Variants in SSH2 observed in about 807,000 individuals in gnomAD.
The protein encoded by SSH2 is protein phosphatase Slingshot homolog 2.
A neutral mutation model predicts 135.2 loss-of-function variants in SSH2; 37 were observed. The observed-to-expected ratio is 0.27, with a 90% CI of 0.21 to 0.36. The LOEUF (loss-of-function observed/expected upper bound fraction) is 0.36, where lower values mean the gene tolerates loss of function less well. SSH2 is among the 10% of genes least tolerant of loss of function. SSH2 has a pLI of 1.00. For missense variants in SSH2, 1,408 were observed against 1,765.3 expected (o/e 0.80, Z 3.63); for synonymous variants, 628 against 646.2 (o/e 0.97, Z 0.43).
chr17:29,907,715 T>C (rs573021957), intron 1 of SSH2, among the ~76,000 whole-genome samples: 1 of 152,240 alleles, frequency 6.6e-6, no homozygotes, highest in South Asian at 2.1e-4. Flanking sequence ...TCTTCATCAA[T>C]ATCTGGCCTT....
Position 29,629,844 on chromosome 17 carries a change from G to A in SSH2, c.*997C>T, listed in dbSNP as rs1041210591. The A allele has an allele frequency of 2.0e-5, 3 of 152,558 alleles. No individual in the cohort carries two copies. The highest frequency in any genetic ancestry group is 6.5e-5 in the Admixed American group (1 of 15,268). 9.5% of individuals were successfully genotyped at this position (152,558 alleles called of 1,614,324 possible). On this transcript the variant is annotated 3_prime_UTR_variant, in exon 16 of 16. Transcript: ENST00000540801. The stretch of plus-strand genomic sequence containing the variant: ...AGCATGGGGACAACAGCATGGGGAA[G>A]GAAAATAAACTGGAAGAAAATATGG...
chr17:29,652,011 A>G (rs1304818150), intron 12 of SSH2, among the ~76,000 whole-genome samples: 2 of 152,134 alleles, frequency 1.3e-5, no homozygotes, highest in Non-Finnish European at 2.9e-5. Flanking sequence ...GCGTGGTGGC[A>G]TGTGCCTGTA....
At chr17:29,839,909 T>A (rs549320368) in intron 2 of SSH2, among the ~76,000 whole-genome samples, 33 of 152,292 alleles carry the variant, frequency 2.2e-4, no homozygotes, top group African/African-American at 7.7e-4. Flanking sequence ...CAAGCCTGGT[T>A]CCTCACCTTT....
chr17:29,741,163 A>G (rs1227155036), intron 3 of SSH2, among the ~76,000 whole-genome samples: 2 of 152,242 alleles, frequency 1.3e-5, no homozygotes, highest in African/African-American at 2.4e-5. Flanking sequence ...CAAGTAGCTC[A>G]GGTGAACTGA....
At chr17:29,648,956 T>C (rs1598718744) in intron 13 of SSH2, among the ~76,000 whole-genome samples, 1 of 152,128 alleles carries the variant, frequency 6.6e-6, no homozygotes, top group Admixed American at 6.6e-5. Context: ...CTGGACAAGA[T>C]GGTGAAACCC....
Position 29,627,150 on chromosome 17 carries a change from C to T in SSH2, c.*3691G>A, listed in dbSNP as rs1055312280. On this transcript the variant is annotated 3_prime_UTR_variant, in exon 16 of 16. Transcript: ENST00000540801. ...ACTGATGCCTGCAGGACTGCATGGC[C>T]GACAAGATGATGCACATTTTAATAT... The T allele has an allele frequency of 1.3e-5, 2 of 152,426 alleles. No individual in the cohort carries two copies. The highest frequency in any genetic ancestry group is 4.8e-5 in the African/African-American group (2 of 41,376). The allele number at this position is 152,426 out of a possible 1,614,324, so 9.4% of individuals were successfully genotyped here. A position where few individuals can be genotyped will look rare whatever the true frequency, so the allele number is the denominator to read the frequency against.
intron 14 of SSH2, among the ~76,000 whole-genome samples, chr17:29,647,049 C>T (rs189175936): frequency 5.3e-5 from 8 of 150,840 alleles, no homozygotes; most frequent in East Asian, 4.0e-4. Flanking sequence ...CCGAGGCGAG[C>T]GGATCACAAG....
chr17:29,774,593 T>C (rs1443624071), intron 3 of SSH2, among the ~76,000 whole-genome samples: 2 of 152,198 alleles, frequency 1.3e-5, no homozygotes, highest in Non-Finnish European at 2.9e-5. Context: ...TCCTGCATAC[T>C]TCGTGGAGGA....
intron 2 of SSH2, among the ~76,000 whole-genome samples, chr17:29,820,336 C>T (rs1322470316): frequency 6.6e-6 from 1 of 152,180 alleles, no homozygotes; most frequent in Non-Finnish European, 1.5e-5. Flanking sequence ...TGTATTGGCT[C>T]TTAACACTCT....
chr17:29,736,779 T>A (rs2040380504), intron 3 of SSH2, among the ~76,000 whole-genome samples: 2 of 66,620 alleles, frequency 3.0e-5, no homozygotes, highest in South Asian at 1.0e-3. Flanking sequence ...AGAGCAAGAC[T>A]CTGTCTCAAA....
At chr17:29,802,638 A>AAAAAAAAAAAAAAAG (rs2042271385) in intron 2 of SSH2, among the ~76,000 whole-genome samples, 1 of 150,242 alleles carries the variant, frequency 6.7e-6, no homozygotes, top group African/African-American at 2.4e-5. Context: ...AAAAAAAAAA[A>AAAAAAAAAAAAAAAG]GAAAAGAAAA....
intron 12 of SSH2, among the ~76,000 whole-genome samples, chr17:29,654,800 T>C (rs1461507271): frequency 6.6e-6 from 1 of 152,194 alleles, no homozygotes; most frequent in African/African-American, 2.4e-5. Context: ...TTTCAGAAGC[T>C]TGTCCAGTTC....
intron 3 of SSH2, among the ~76,000 whole-genome samples, chr17:29,719,405 G>A (rs1180927974): frequency 6.6e-6 from 1 of 151,992 alleles, no homozygotes; most frequent in South Asian, 2.1e-4. Context: ...CCAGCTACTC[G>A]GGAGGCTAAG....
rs751009846 is a variant in SSH2, at chr17:29,630,979, CT to C, written c.4214del (p.Gln1405ArgfsTer29). The C allele has an allele frequency of 6.2e-7, 1 of 1,613,790 alleles. No individual in the cohort carries two copies. Among genetic ancestry groups the C allele is most frequent in the Admixed American group, 1.7e-5 (1 of 60,024 alleles). Reference protein sequence around the residue: ...SEGGLPVLQTQGLQCACPAPG... With the variant: ...SEGGLPVLQTXGLQCACPAPG... ...GAGCTGGGCATGCACACTGCAGTCC[CT>C]GGGTCTGTAGCACGGGAAGGCCTCC... is the stretch of plus-strand genomic sequence containing the variant. On this transcript the variant is annotated frameshift_variant, in exon 16 of 16. Coordinates refer to ENST00000540801, the MANE Select transcript of SSH2 (RefSeq NM_001282129.2). LOFTEE classifies it high-confidence loss of function.
Position 29,632,069 on chromosome 17 carries a change from G to T in SSH2, c.3125C>A (p.Thr1042Asn). ...GTGATTGGGTGATGTAACTATGTGGGTATATTCAATGATTTCTACCCTCTT... is the reference window on the plus strand; with the variant it reads ...GTGATTGGGTGATGTAACTATGTGGTTATATTCAATGATTTCTACCCTCTT... ...LPKRVEIIEY[T>N]HIVTSPNHTG... Residue 1042 changes from threonine (T) to asparagine (N), a missense_variant, in exon 16 of 16, where the codon ACC (threonine) becomes AAC (asparagine). Coordinates refer to ENST00000540801, the MANE Select transcript of SSH2 (RefSeq NM_001282129.2). 6.2e-7 allele frequency: 1 copy of T among 1,614,222 alleles called. No homozygotes were observed. The highest frequency in any genetic ancestry group is 8.5e-7 in the Non-Finnish European group (1 of 1,180,044).
At chr17:29,822,467 T>G (rs4795521) in intron 2 of SSH2, among the ~76,000 whole-genome samples, 63,733 of 151,628 alleles carry the variant, frequency 0.42, 15,223 homozygotes, top group East Asian at 0.69. Flanking sequence ...ACTCAAGGTA[T>G]CCCCCTGCCT....
At chr17:29,878,717 A>C (rs368460448) in intron 1 of SSH2, among the ~76,000 whole-genome samples, 1 of 152,178 alleles carries the variant, frequency 6.6e-6, no homozygotes, top group East Asian at 1.9e-4. Flanking sequence ...TACTAGTCAT[A>C]GTATTACCAT....
At chr17:29,770,100 T>G (rs2628184) in intron 3 of SSH2, among the ~76,000 whole-genome samples, 8,611 of 59,968 alleles carry the variant, frequency 0.14, 702 homozygotes, top group African/African-American at 0.29. Context: ...TAGTTTTTTT[T>G]TTTTTTTTTT....
intron 3 of SSH2, among the ~76,000 whole-genome samples, chr17:29,743,513 A>T (rs114699186): frequency 0.012 from 1,878 of 152,272 alleles, 43 homozygotes; most frequent in African/African-American, 0.042. Context: ...CATCTAAAGT[A>T]GCAACAAAAC....
Sources: allele counts gnomAD v4.1 joint callset (sites outside exome capture counted in the v4.1 genomes callset), GRCh38; gene constraint gnomAD v4.1.1; transcripts MANE v1.5; gene names NCBI Gene and HGNC (gene_info 2026-07-23, HGNC 2026-07-21).